The following KCNIP4 variants were observed in gnomAD, a reference collection of about 807,000 sequenced individuals.
KCNIP4 encodes Kv channel-interacting protein 4.
A neutral mutation model predicts 34.0 loss-of-function variants in KCNIP4; 12 were observed. The observed-to-expected ratio is 0.35, with a 90% CI of 0.23 to 0.57. The LOEUF is 0.57. KCNIP4 is among the 20% of genes least tolerant of loss of function. KCNIP4 has a pLI of 0.83. For missense variants in KCNIP4, 238 were observed against 311.7 expected, an observed-to-expected ratio of 0.76 and a Z score of 1.78; for synonymous variants, 124 against 102.2, an observed-to-expected ratio of 1.21 and a Z score of -1.29.
At chr4:21,044,083 GC>G (rs1228814434) in intron 1 of KCNIP4, among the ~76,000 whole-genome samples, 1 of 151,986 alleles carries the variant, frequency 6.6e-6, no homozygotes, top group Non-Finnish European at 1.5e-5. Flanking sequence ...TTTAGGATTG[GC>G]CCCACTCACT....
Position 21,061,407 on chromosome 4 carries a change from A to G in KCNIP4, c.62-178698T>C, listed in dbSNP as rs1422677416. 6.6e-5 allele frequency among the ~76,000 whole-genome samples: 10 copies of G among 152,242 alleles called. No individual in the cohort carries two copies. The South Asian group carries it at 1.4e-3, about 22-fold the overall frequency. The stretch of plus-strand genomic sequence containing the variant: ...ATGCATAATTTTTCTTTTTCATAAC[A>G]CAATAATAATGATACAAAAAACACT... On this transcript the variant is annotated intron_variant, in intron 1 of 8. Transcript: ENST00000382152.
intron 3 of KCNIP4, among the ~76,000 whole-genome samples, chr4:20,785,346 T>C (rs1711833071): frequency 6.8e-6 from 1 of 146,102 alleles, no homozygotes; most frequent in Non-Finnish European, 1.5e-5. Flanking sequence ...TTTTTTTTGC[T>C]ACTGCATGCT....
intron 1 of KCNIP4, among the ~76,000 whole-genome samples, chr4:21,361,664 C>G (rs1189817694): frequency 6.6e-6 from 1 of 150,716 alleles, no homozygotes; most frequent in African/African-American, 2.4e-5. Context: ...ATCCTAAAGT[C>G]TCTCAGATTG....
intron 1 of KCNIP4, among the ~76,000 whole-genome samples, chr4:21,641,992 C>A (rs1461779812): frequency 6.6e-6 from 1 of 152,102 alleles, no homozygotes; most frequent in Non-Finnish European, 1.5e-5. Flanking sequence ...GGGGGTAGTG[C>A]TATGTTCTTA....
chr4:21,589,446 G>A (rs1741995625), intron 1 of KCNIP4, among the ~76,000 whole-genome samples: 1 of 150,034 alleles, frequency 6.7e-6, no homozygotes, highest in Non-Finnish European at 1.5e-5. Context: ...GAGCCTTAAA[G>A]GGCAAAAAAA....
At chr4:20,924,781 A>C (rs944314893) in intron 1 of KCNIP4, among the ~76,000 whole-genome samples, 4 of 152,198 alleles carry the variant, frequency 2.6e-5, no homozygotes, top group Non-Finnish European at 2.9e-5. Flanking sequence ...TTCATTCATT[A>C]ATTTAACTCC....
At chr4:20,939,010 A>G (rs992969089) in intron 1 of KCNIP4, among the ~76,000 whole-genome samples, 12 of 152,136 alleles carry the variant, frequency 7.9e-5, no homozygotes, top group African/African-American at 2.9e-4. Flanking sequence ...TGATACACAT[A>G]TCTATGATCA....
At chr4:21,568,735 G>T (rs1824472) in intron 1 of KCNIP4, among the ~76,000 whole-genome samples, 2 of 151,856 alleles carry the variant, frequency 1.3e-5, no homozygotes, top group Non-Finnish European at 2.9e-5. Context: ...ACTGCACTAT[G>T]GGCTTCCCAA....
At chr4:21,384,289 C>G (rs1721812547) in intron 1 of KCNIP4, among the ~76,000 whole-genome samples, 1 of 152,154 alleles carries the variant, frequency 6.6e-6, no homozygotes, top group Non-Finnish European at 1.5e-5. Context: ...TATCATCTCT[C>G]TTTCTACCCA....
intron 1 of KCNIP4, among the ~76,000 whole-genome samples, chr4:20,904,573 A>G (rs906692449): frequency 1.3e-5 from 2 of 152,094 alleles, no homozygotes; most frequent in Non-Finnish European, 2.9e-5. Context: ...AATGTAATAC[A>G]AAACACCTAA....
chr4:21,824,301 A>G (rs1206782799), intron 1 of KCNIP4, among the ~76,000 whole-genome samples: 1 of 152,184 alleles, frequency 6.6e-6, no homozygotes, highest in Non-Finnish European at 1.5e-5. Flanking sequence ...CTGCCTATGT[A>G]AGACTAACAA....
At chr4:20,850,859 A>AT (rs559304182) in intron 2 of KCNIP4, 192 bp from the exon 3 acceptor site, 767 of 480,518 alleles carry the variant, frequency 1.6e-3, no homozygotes, top group Non-Finnish European at 2.0e-3. Flanking sequence ...CTTGTATATG[A>AT]TTTTTTTGCA....
intron 1 of KCNIP4, among the ~76,000 whole-genome samples, chr4:21,570,315 A>T (rs1740264479): frequency 6.6e-6 from 1 of 152,172 alleles, no homozygotes; most frequent in Admixed American, 6.5e-5. Context: ...CAGGGTGAAA[A>T]GGAGGTATTT....
At chr4:21,288,242 T>C (rs1316248910) in intron 1 of KCNIP4, among the ~76,000 whole-genome samples, 1 of 152,180 alleles carries the variant, frequency 6.6e-6, no homozygotes. Context: ...ACAACTATCC[T>C]TCCCCCAAGG....
intron 1 of KCNIP4, among the ~76,000 whole-genome samples, chr4:21,327,567 G>A (rs896109214): frequency 6.6e-6 from 1 of 152,000 alleles, no homozygotes; most frequent in Non-Finnish European, 1.5e-5. Context: ...TAAGCTTCTT[G>A]TACTTGAATA....
At chr4:20,967,687 C>T (rs918779408) in intron 1 of KCNIP4, among the ~76,000 whole-genome samples, 2 of 152,164 alleles carry the variant, frequency 1.3e-5, no homozygotes, top group Non-Finnish European at 2.9e-5. Context: ...GGAAGGGATT[C>T]CCTATTTCAC....
chr4:20,854,853 T>C (rs980968070), intron 2 of KCNIP4, among the ~76,000 whole-genome samples: 5 of 152,108 alleles, frequency 3.3e-5, no homozygotes, highest in Non-Finnish European at 5.9e-5. Context: ...AGTCAATAGG[T>C]ATAGAGAAGC....
chr4:21,752,336 A>G (rs1189990136), intron 1 of KCNIP4, among the ~76,000 whole-genome samples: 1 of 152,142 alleles, frequency 6.6e-6, no homozygotes, highest in Non-Finnish European at 1.5e-5. Context: ...GCAAAGGGCA[A>G]GCAAGCTTGT....
intron 5 of KCNIP4, among the ~76,000 whole-genome samples, chr4:20,741,367 C>A (rs973421300): frequency 6.6e-6 from 1 of 152,242 alleles, no homozygotes; most frequent in African/African-American, 2.4e-5. Flanking sequence ...TTATAACAAA[C>A]TGTCTCTCAG....
Sources: gnomAD v4.1 joint callset for allele counts (sites outside exome capture counted in the v4.1 genomes callset) on GRCh38, gnomAD v4.1.1 for gene constraint, MANE v1.5 for transcripts, NCBI Gene and HGNC (gene_info 2026-07-23, HGNC 2026-07-21) for gene names.